The following CHODL variants were observed in gnomAD, a reference collection of about 807,000 sequenced individuals.
CHODL encodes transmembrane protein MT75.
In CHODL, 29 loss-of-function variants were observed where a neutral mutation model predicts 34.5. That is an observed-to-expected ratio of 0.84 (90% confidence interval 0.63 to 1.15). The LOEUF (loss-of-function observed/expected upper bound fraction) is 1.15. Among genes scored for constraint, CHODL ranks in the 50% most tolerant of loss-of-function variants. CHODL has a pLI of 0.00. For synonymous variants in CHODL, 125 were observed against 116.1 expected (o/e 1.08, Z -0.49); for missense variants, 332 against 332.5 (o/e 1.00, Z 0.01).
intron 1 of CHODL, among the ~76,000 whole-genome samples, chr21:18,014,824 T>G (rs918820629): frequency 1.3e-5 from 2 of 152,214 alleles, no homozygotes; most frequent in Admixed American, 6.5e-5. Context: ...TATGTGCCAA[T>G]TAAACCACTT....
chr21:18,227,775 AAAAC>A (rs1336469690), intron 2 of CHODL, among the ~76,000 whole-genome samples: 3 of 152,198 alleles, frequency 2.0e-5, no homozygotes, highest in Admixed American at 2.0e-4. Flanking sequence ...AATAATTTAT[AAAAC>A]ATTCACTTGC....
At chr21:18,219,081 G>A (rs911857947) in intron 2 of CHODL, among the ~76,000 whole-genome samples, 4 of 151,944 alleles carry the variant, frequency 2.6e-5, no homozygotes, top group Non-Finnish European at 5.9e-5. Flanking sequence ...ACATTTTTGG[G>A]TATCTTTATA....
intron 2 of CHODL, among the ~76,000 whole-genome samples, chr21:18,228,208 T>C (rs2073948581): frequency 6.6e-6 from 1 of 152,152 alleles, no homozygotes; most frequent in Non-Finnish European, 1.5e-5. Flanking sequence ...TTTAATTTTT[T>C]AAGCTACTGG....
intron 1 of CHODL, chr21:18,245,757 T>C: frequency 1.6e-6 from 1 of 632,910 alleles, no homozygotes; most frequent in Non-Finnish European, 2.7e-6. Flanking sequence ...ATGCTTTCTG[T>C]GACCAGATCA....
chr21:18,132,147 T>C (rs569976325), intron 2 of CHODL, among the ~76,000 whole-genome samples: 1 of 152,258 alleles, frequency 6.6e-6, no homozygotes, highest in African/African-American at 2.4e-5. Context: ...TTGTTACATA[T>C]ATATACATGT....
intron 1 of CHODL, among the ~76,000 whole-genome samples, chr21:17,967,314 A>G (rs574039295): frequency 6.6e-6 from 1 of 152,326 alleles, no homozygotes; most frequent in African/African-American, 2.4e-5. Flanking sequence ...CTTGTTGATG[A>G]CACAAGTGAG....
Position 18,125,608 on chromosome 21 carries a change from A to ATTAT in CHODL, c.-45+97639_-45+97640insATTT, listed in dbSNP as rs1036897386. On this transcript the variant is annotated intron_variant, in intron 2 of 6. Coordinates refer to the CHODL transcript ENST00000400127. ...TTACATTTAATTAATTAATTAATTA[A>ATTAT]TTTTTGAGATGGAGTCTCCCTCTGT... 6.7e-4 allele frequency among the ~76,000 whole-genome samples: 102 copies of ATTAT among 151,754 alleles called. 1 individual carries two copies. The highest frequency in any genetic ancestry group is 2.4e-3 in the African/African-American group (100 of 41,396).
intron 2 of CHODL, among the ~76,000 whole-genome samples, chr21:18,142,449 T>C (rs1448562038): frequency 6.6e-6 from 1 of 152,194 alleles, no homozygotes; most frequent in Non-Finnish European, 1.5e-5. Context: ...GTTAGTTTTC[T>C]ACAATGTTGG....
intron 2 of CHODL, among the ~76,000 whole-genome samples, chr21:18,037,762 G>A (rs955915514): frequency 5.3e-5 from 8 of 151,568 alleles, no homozygotes; most frequent in African/African-American, 1.9e-4. Context: ...ATGGTTTTAG[G>A]GTATCTGACA....
chr21:18,165,635 A>G (rs1038421506), intron 2 of CHODL, among the ~76,000 whole-genome samples: 7 of 152,156 alleles, frequency 4.6e-5, no homozygotes, highest in African/African-American at 1.2e-4. Context: ...AAAAGGAGGG[A>G]GCCACGTGGA....
chr21:18,169,762 T>C (rs979295565), intron 2 of CHODL, among the ~76,000 whole-genome samples: 8 of 152,090 alleles, frequency 5.3e-5, no homozygotes, highest in Admixed American at 5.2e-4. Flanking sequence ...AGTTTCTCTC[T>C]AAGCACCACA....
intron 2 of CHODL, among the ~76,000 whole-genome samples, chr21:18,162,873 T>C (rs2073112822): frequency 6.6e-6 from 1 of 152,170 alleles, no homozygotes; most frequent in South Asian, 2.1e-4. Context: ...ACTCCTGGGC[T>C]CAAGAGACCC....
chr21:17,961,347 T>A (rs1480004343), intron 1 of CHODL, among the ~76,000 whole-genome samples: 1 of 152,222 alleles, frequency 6.6e-6, no homozygotes, highest in Non-Finnish European at 1.5e-5. Context: ...CATCTTGTTG[T>A]CAATGATCAG....
intron 2 of CHODL, among the ~76,000 whole-genome samples, chr21:18,127,576 T>A (rs1289138884): frequency 6.9e-6 from 1 of 145,082 alleles, no homozygotes; most frequent in East Asian, 2.1e-4. Flanking sequence ...GTAAAACACA[T>A]AAAACATGTC....
intron 2 of CHODL, among the ~76,000 whole-genome samples, chr21:18,239,799 G>A (rs1198316171): frequency 6.6e-6 from 1 of 151,786 alleles, no homozygotes; most frequent in Non-Finnish European, 1.5e-5. Context: ...TCTGTGATAT[G>A]TTGATTTATT....
upstream of CHODL, among the ~76,000 whole-genome samples, chr21:18,241,765 C>T (rs2074084596): frequency 6.6e-6 from 1 of 152,136 alleles, no homozygotes; most frequent in Non-Finnish European, 1.5e-5. Flanking sequence ...CATAGTATAC[C>T]CTTAAGAGTC....
intron 2 of CHODL, among the ~76,000 whole-genome samples, chr21:18,160,802 A>G (rs1392743921): frequency 1.3e-5 from 2 of 152,164 alleles, no homozygotes; most frequent in Non-Finnish European, 2.9e-5. Flanking sequence ...ATACACATGC[A>G]TGTGTCTTTA....
chr21:18,053,621 A>G (rs2064542914), intron 2 of CHODL, among the ~76,000 whole-genome samples: 2 of 152,036 alleles, frequency 1.3e-5, no homozygotes, highest in East Asian at 3.9e-4. Context: ...ATTTTGGGAG[A>G]AAAACGGAAA....
intron 1 of CHODL, among the ~76,000 whole-genome samples, chr21:18,249,838 A>G (rs1050997758): frequency 1.3e-5 from 2 of 152,164 alleles, no homozygotes; most frequent in Non-Finnish European, 2.9e-5. Flanking sequence ...AAAAAGGTTC[A>G]AACACAGTTA....
Sources: allele counts gnomAD v4.1 joint callset (sites outside exome capture counted in the v4.1 genomes callset), GRCh38; gene constraint gnomAD v4.1.1; transcripts MANE v1.5; gene names NCBI Gene and HGNC (gene_info 2026-07-23, HGNC 2026-07-21).